Variants in NOL4 observed in about 807,000 individuals in gnomAD.
The protein encoded by NOL4 is cancer/testis antigen 125.
NOL4 carries 17 observed loss-of-function variants against 75.9 expected under a neutral mutation model. The ratio of observed to expected loss-of-function variants is 0.22; its 90% CI spans 0.15 to 0.34. The LOEUF (loss-of-function observed/expected upper bound fraction) is 0.34, where lower values mean the gene tolerates loss of function less well. NOL4 is among the 10% of genes least tolerant of loss of function. NOL4 has a pLI of 1.00. For synonymous variants in NOL4, 292 were observed against 289.9 expected (o/e 1.01, Z -0.07); for missense variants, 614 against 793.5 (o/e 0.77, Z 2.72).
chr18:34,103,458 A>G (rs2079132408), intron 4 of NOL4, among the ~76,000 whole-genome samples: 3 of 152,030 alleles, frequency 2.0e-5, no homozygotes, highest in Admixed American at 2.0e-4. Flanking sequence ...ATGTTGCTAA[A>G]TTTTCACTAT....
rs150541509 is a variant in NOL4 at position 34,143,602 on chromosome 18, C to T, written c.265-13582G>A. Among the ~76,000 whole-genome samples the T allele has an allele frequency of 2.0e-5, 3 of 152,170 alleles. No homozygotes were observed. The East Asian group carries it at 5.8e-4, about 29-fold the overall frequency. Reference sequence around the variant, plus strand: ...AAACTTCTGGCCTGGAGAGTTGGCTCAAGCCTGTAATCCTAGCACTTTGGG... The same window carrying T: ...AAACTTCTGGCCTGGAGAGTTGGCTTAAGCCTGTAATCCTAGCACTTTGGG... On this transcript the variant is annotated intron_variant, in intron 1 of 10. Coordinates refer to ENST00000261592, the MANE Select transcript of NOL4 (RefSeq NM_003787.5).
At position 33,954,204 on chromosome 18, in the gene NOL4, A is replaced by G. The variant is rs114202830; in HGVS notation, c.1428+3122T>C. Among the ~76,000 whole-genome samples the G allele has an allele frequency of 2.4e-3, 369 of 152,290 alleles. 2 individuals are homozygous for G. The highest frequency in any genetic ancestry group is 8.5e-3 in the African/African-American group (353 of 41,584). ...TTAATACAATGTAAATGACATGTAA[A>G]TAGCTGTTATACTGTGTTGTCTAGG... is the stretch of plus-strand genomic sequence containing the variant. On this transcript the variant is annotated intron_variant, in intron 8 of 10. Transcript: ENST00000261592.
chr18:33,897,579 CAAAG>C (rs370700421), intron 9 of NOL4, among the ~76,000 whole-genome samples: 3 of 152,054 alleles, frequency 2.0e-5, no homozygotes, highest in Non-Finnish European at 4.4e-5. Flanking sequence ...CTTAGGAACA[CAAAG>C]AAGGAAACAG....
chr18:34,091,959 C>T (rs2078541799), intron 5 of NOL4, among the ~76,000 whole-genome samples: 1 of 151,946 alleles, frequency 6.6e-6, no homozygotes, highest in Admixed American at 6.6e-5. Context: ...TGTGCCATAG[C>T]CAAAGACCTG....
intron 5 of NOL4, among the ~76,000 whole-genome samples, chr18:34,053,634 A>T (rs956530910): frequency 6.6e-6 from 1 of 151,988 alleles, no homozygotes; most frequent in Non-Finnish European, 1.5e-5. Context: ...CATAATGTCC[A>T]GACTTAAGAA....
intron 6 of NOL4, among the ~76,000 whole-genome samples, chr18:33,998,273 T>C (rs1013605506): frequency 3.3e-5 from 5 of 152,136 alleles, no homozygotes; most frequent in Non-Finnish European, 5.9e-5. Context: ...TTGCATGGTA[T>C]ATGAATCTTT....
rs143115736 is a variant in NOL4, at chr18:33,860,259, G to T, written c.1724-7224C>A. Among the ~76,000 whole-genome samples the T allele has an allele frequency of 2.1e-3, 317 of 152,198 alleles. 1 individual carries two copies. Among genetic ancestry groups the T allele is most frequent in the Middle Eastern group, 0.014 (4 of 294 alleles). On this transcript the variant is annotated intron_variant, in intron 10 of 10. Transcript: ENST00000261592. The stretch of plus-strand genomic sequence containing the variant: ...CAATTTGAGAGGAGATTTGGGTGAA[G>T]ACGCAGAGCCAAACCATATTCTGCC...
chr18:33,883,490 AC>A, intron 9 of NOL4, 66 bp from the exon 10 acceptor site: 1 of 1,255,246 alleles, frequency 8.0e-7, no homozygotes, highest in East Asian at 2.4e-5. Context: ...GAACAGGACT[AC>A]CTTATTGTTA....
intron 9 of NOL4, among the ~76,000 whole-genome samples, chr18:33,916,620 C>T (rs1441896928): frequency 2.0e-5 from 3 of 152,084 alleles, no homozygotes; most frequent in African/African-American, 4.8e-5. Flanking sequence ...ATATCCAATG[C>T]TTATTTACTT....
chr18:34,137,806 A>ACACACACACACACACG (rs1452666829), intron 1 of NOL4, among the ~76,000 whole-genome samples: 1 of 151,818 alleles, frequency 6.6e-6, no homozygotes, highest in African/African-American at 2.4e-5. Context: ...ACACACACAC[A>ACACACACACACACACG]CACGCACGCA....
intron 5 of NOL4, among the ~76,000 whole-genome samples, chr18:34,069,053 G>C (rs2077401659): frequency 6.6e-6 from 1 of 151,966 alleles, no homozygotes; most frequent in Non-Finnish European, 1.5e-5. Flanking sequence ...AAAATAAAAA[G>C]AATAAGACCC....
intron 10 of NOL4, among the ~76,000 whole-genome samples, chr18:33,858,829 A>C (rs895526990): frequency 2.1e-4 from 32 of 152,208 alleles, no homozygotes; most frequent in African/African-American, 7.5e-4. Flanking sequence ...GATTTTTATA[A>C]TACTGATTCA....
intron 9 of NOL4, among the ~76,000 whole-genome samples, chr18:33,926,376 A>C (rs1049062558): frequency 1.7e-4 from 26 of 151,154 alleles, no homozygotes; most frequent in African/African-American, 6.0e-4. Context: ...AAAAAAAAAA[A>C]AAAAAAAAAG....
At chr18:33,902,404 A>G (rs1233363113) in intron 9 of NOL4, among the ~76,000 whole-genome samples, 2 of 152,140 alleles carry the variant, frequency 1.3e-5, no homozygotes, top group African/African-American at 4.8e-5. Flanking sequence ...CTCTCCTTCA[A>G]CTTCTTCATC....
chr18:33,894,624 G>A (rs1002705266), intron 9 of NOL4, among the ~76,000 whole-genome samples: 1 of 152,110 alleles, frequency 6.6e-6, no homozygotes, highest in Non-Finnish European at 1.5e-5. Context: ...CAGGATACCT[G>A]TTACCAGAAT....
At chr18:33,990,489 C>T (rs2072837974) in intron 6 of NOL4, among the ~76,000 whole-genome samples, 1 of 151,956 alleles carries the variant, frequency 6.6e-6, no homozygotes, top group South Asian at 2.1e-4. Context: ...TTCCCTGAGT[C>T]CCTGCCTTAT....
At chr18:34,208,330 A>T (rs1030167320) in intron 1 of NOL4, among the ~76,000 whole-genome samples, 3 of 152,088 alleles carry the variant, frequency 2.0e-5, no homozygotes, top group Non-Finnish European at 4.4e-5. Flanking sequence ...TTTTCTAGAA[A>T]CAAAGACTCA....
chr18:34,059,131 A>ATG (rs2076960295), intron 5 of NOL4, among the ~76,000 whole-genome samples: 1 of 89,682 alleles, frequency 1.1e-5, no homozygotes, highest in Admixed American at 1.0e-4. Context: ...ACATATATAT[A>ATG]TATATATATA....
intron 1 of NOL4, among the ~76,000 whole-genome samples, chr18:34,153,397 G>T (rs2081741458): frequency 6.6e-6 from 1 of 151,796 alleles, no homozygotes; most frequent in Non-Finnish European, 1.5e-5. Context: ...AAAACTATTA[G>T]GTGAAAATAA....
Sources: gnomAD v4.1 joint callset for allele counts (sites outside exome capture counted in the v4.1 genomes callset) on GRCh38, gnomAD v4.1.1 for gene constraint, MANE v1.5 for transcripts, NCBI Gene and HGNC (gene_info 2026-07-23, HGNC 2026-07-21) for gene names.